SRGAP1: variants seen among roughly 807,000 people sequenced by gnomAD.
SRGAP1 encodes the protein SLIT-ROBO Rho GTPase activating protein 1.
A neutral mutation model predicts 121.9 loss-of-function variants in SRGAP1; 43 were observed. The ratio of observed to expected loss-of-function variants is 0.35; its 90% CI spans 0.28 to 0.46. The LOEUF is 0.46. SRGAP1 is among the 20% of genes least tolerant of loss of function. The pLI is 1.00. For synonymous variants in SRGAP1, 447 were observed against 485.4 expected (o/e 0.92, Z 1.04); for missense variants, 1,102 against 1,350.9 (o/e 0.82, Z 2.89).
chr12:63,845,619 C>G (rs1426736438), intron 1 of SRGAP1, among the ~76,000 whole-genome samples: 1 of 140,792 alleles, frequency 7.1e-6, no homozygotes, highest in East Asian at 2.5e-4. Flanking sequence ...TGAAGGAAAC[C>G]TAATTAAGGC....
chr12:63,918,260 TC>T lies in SRGAP1; in HGVS notation c.68-65681del, dbSNP rs371703316. Among the ~76,000 whole-genome samples, 196 of 151,776 alleles carry T rather than the reference TC, an allele frequency of 1.3e-3. 1 individual carries two copies. Among genetic ancestry groups the T allele is most frequent in the Non-Finnish European group, 2.1e-3 (146 of 67,940 alleles). On this transcript the variant is annotated intron_variant, in intron 1 of 21. Transcript: ENST00000355086. ...TTTTTTTAATCATCACAACCCCTCCTCCCCCCATTACCCTGTTTTAGAGATG... is the reference window on the plus strand; with the variant it reads ...TTTTTTTAATCATCACAACCCCTCCTCCCCCATTACCCTGTTTTAGAGATG...
chr12:63,982,921 G>A (rs2033291529), intron 1 of SRGAP1: 1 of 152,166 alleles, frequency 6.6e-6, no homozygotes, highest in Non-Finnish European at 1.5e-5. Context: ...CACCTTTCAT[G>A]TTCCTAATGT....
At chr12:64,023,799 C>A (rs889056696) in intron 4 of SRGAP1, among the ~76,000 whole-genome samples, 3 of 152,140 alleles carry the variant, frequency 2.0e-5, no homozygotes, top group Non-Finnish European at 4.4e-5. Flanking sequence ...ATTTATTTCC[C>A]GCAGCAGCAC....
chr12:63,971,149 A>G (rs1250291426), intron 1 of SRGAP1, among the ~76,000 whole-genome samples: 1 of 152,178 alleles, frequency 6.6e-6, no homozygotes, highest in Admixed American at 6.5e-5. Flanking sequence ...TGATAGCTCC[A>G]GTGTCATTCC....
At chr12:64,020,244 C>T (rs936953744) in intron 4 of SRGAP1, among the ~76,000 whole-genome samples, 3 of 152,080 alleles carry the variant, frequency 2.0e-5, no homozygotes, top group Admixed American at 1.3e-4. Flanking sequence ...CTAGTTTTAC[C>T]AGGCCAGATT....
intron 6 of SRGAP1, among the ~76,000 whole-genome samples, chr12:64,052,317 G>A (rs2035252509): frequency 6.6e-6 from 1 of 152,108 alleles, no homozygotes; most frequent in Non-Finnish European, 1.5e-5. Flanking sequence ...ACTTCGGGAG[G>A]CTGAGGCAGG....
intron 21 of SRGAP1, among the ~76,000 whole-genome samples, chr12:64,141,272 TAAAAAAAAA>T (rs977006357): frequency 2.1e-5 from 1 of 48,216 alleles, no homozygotes; most frequent in Non-Finnish European, 4.0e-5. Context: ...TAAAGTATAA[TAAAAAAAAA>T]AAAAAAAAAG....
At chr12:63,962,880 A>G (rs1366080879) in intron 1 of SRGAP1, among the ~76,000 whole-genome samples, 2 of 152,212 alleles carry the variant, frequency 1.3e-5, no homozygotes, top group African/African-American at 2.4e-5. Flanking sequence ...AAGACTTAGT[A>G]TAAGAAATCA....
Position 64,079,115 on chromosome 12 carries a change from T to C in SRGAP1, c.1322T>C (p.Met441Thr). 3.1e-6 allele frequency: 5 copies of C among 1,605,378 alleles called. No individual in the cohort carries two copies. Among genetic ancestry groups the C allele is most frequent in the Non-Finnish European group, 4.3e-6 (5 of 1,176,462 alleles). ...NQQETEQFYF[M>T]KLREYLEGSN... ...CAGGAAACTGAACAGTTCTACTTCA[T>C]GGTGTGCCCGCCACTTCCCAAGCCA... Residue 441 changes from methionine to threonine, a missense_variant and splice_region_variant, in exon 9 of 22, where the codon ATG becomes ACG. Met to Thr is a moderately conservative substitution (Grantham distance 81). Coordinates refer to ENST00000355086, the MANE Select transcript of SRGAP1 (RefSeq NM_020762.4).
intron 14 of SRGAP1, among the ~76,000 whole-genome samples, chr12:64,096,847 G>A (rs2036164380): frequency 2.0e-5 from 3 of 152,194 alleles, no homozygotes; most frequent in Non-Finnish European, 4.4e-5. Context: ...TAGTCAGACA[G>A]ACCTATGGTG....
rs547834110 is a variant in SRGAP1, at chr12:64,133,024, G to A, written c.2880+4824G>A. Among the ~76,000 whole-genome samples the A allele has an allele frequency of 1.9e-3, 294 of 152,320 alleles. 3 individuals carry two copies. Among genetic ancestry groups the A allele is most frequent in the African/African-American group, 6.8e-3 (282 of 41,562 alleles). ...CACATCTGGTACAGCAGCTGCACTT[G>A]GAGTCACCACTTGGTTAAGCTTACA... On this transcript the variant is annotated intron_variant, in intron 21 of 21. Coordinates refer to ENST00000355086, the MANE Select transcript of SRGAP1 (RefSeq NM_020762.4).
At chr12:64,003,448 T>C (rs2033972529) in intron 3 of SRGAP1, among the ~76,000 whole-genome samples, 1 of 143,914 alleles carries the variant, frequency 6.9e-6, no homozygotes, top group Non-Finnish European at 1.5e-5. Flanking sequence ...GTGAATACTC[T>C]TGAAATGAAT....
At position 63,993,858 on chromosome 12, in the gene SRGAP1, TA is replaced by T. The variant is rs5798721; in HGVS notation, c.426+3800del. ...CTAAACTCAAAAGTTTTCAACAGGT[TA>T]AAAAAAAAAAAAAGTGAAGCATTTT... is the stretch of plus-strand genomic sequence containing the variant. On this transcript the variant is annotated intron_variant, in intron 3 of 21. Transcript: ENST00000355086. 8.3e-3 allele frequency among the ~76,000 whole-genome samples: 1,158 copies of T among 138,752 alleles called. 4 individuals are homozygous for T. The highest frequency in any genetic ancestry group is 0.012 in the South Asian group (51 of 4,324). The allele number at this position is 138,752 out of a possible 152,430, so 91.0% of individuals were successfully genotyped here. A position where few individuals can be genotyped will look rare whatever the true frequency, so the allele number is the denominator to read the frequency against.
chr12:64,117,257 G>A (rs1397353963), intron 18 of SRGAP1, among the ~76,000 whole-genome samples: 2 of 152,118 alleles, frequency 1.3e-5, no homozygotes, highest in Admixed American at 6.5e-5. Flanking sequence ...TTGATAATGT[G>A]TTTATTTATC....
intron 3 of SRGAP1, among the ~76,000 whole-genome samples, chr12:63,991,934 G>A (rs985436154): frequency 2.0e-5 from 3 of 152,186 alleles, no homozygotes; most frequent in Admixed American, 6.5e-5. Flanking sequence ...CAGTTACTAC[G>A]CTAAATGGAA....
At chr12:64,036,042 C>A (rs532542711) in intron 4 of SRGAP1, among the ~76,000 whole-genome samples, 21 of 152,302 alleles carry the variant, frequency 1.4e-4, no homozygotes, top group African/African-American at 5.1e-4. Context: ...GAACTCAAAT[C>A]CAGGTCTTCC....
intron 1 of SRGAP1, among the ~76,000 whole-genome samples, chr12:63,918,428 CT>C (rs1179146963): frequency 6.6e-6 from 1 of 152,024 alleles, no homozygotes; most frequent in Non-Finnish European, 1.5e-5. Flanking sequence ...TGCTTTCTCT[CT>C]TTTTTTAAGA....
intron 4 of SRGAP1, among the ~76,000 whole-genome samples, chr12:64,040,964 A>G (rs982488772): frequency 2.0e-5 from 3 of 152,180 alleles, no homozygotes; most frequent in Non-Finnish European, 4.4e-5. Context: ...TTTTTGTAAC[A>G]ATAATATAGC....
At chr12:63,869,408 A>G (rs984355345) in intron 1 of SRGAP1, among the ~76,000 whole-genome samples, 1 of 152,138 alleles carries the variant, frequency 6.6e-6, no homozygotes, top group Non-Finnish European at 1.5e-5. Context: ...TGCACTGGGG[A>G]TTAAGTTTCC....
Sources: allele counts gnomAD v4.1 joint callset (sites outside exome capture counted in the v4.1 genomes callset), GRCh38; gene constraint gnomAD v4.1.1; transcripts MANE v1.5; gene names NCBI Gene and HGNC (gene_info 2026-07-23, HGNC 2026-07-21).